The following OTOGL variants were observed in gnomAD, a reference collection of about 807,000 sequenced individuals.
The protein encoded by OTOGL is otogelin like, also known as otogelin-like protein.
In OTOGL, 285 loss-of-function variants were observed where a neutral mutation model predicts 318.5. The ratio of observed to expected loss-of-function variants is 0.89; its 90% CI spans 0.81 to 0.99. The LOEUF is 0.99. OTOGL is among the 50% of genes least tolerant of loss of function. The probability of loss-of-function intolerance (pLI) is 0.00; values close to 1 mark genes in which losing one functional copy is unlikely to be tolerated. For missense variants in OTOGL, 2,899 were observed against 2,845.6 expected (o/e 1.02, Z -0.43); for synonymous variants, 987 against 936.5 (o/e 1.05, Z -0.99).
intron 1 of OTOGL, among the ~76,000 whole-genome samples, chr12:80,113,836 CTCT>C (rs1869993667): frequency 6.6e-6 from 1 of 152,148 alleles, no homozygotes; most frequent in Non-Finnish European, 1.5e-5. Context: ...GGATAGTTAG[CTCT>C]TCTTGTTGCA....
intron 9 of OTOGL, 65 bp from the exon 10 acceptor site, chr12:80,238,786 G>C: frequency 7.4e-7 from 1 of 1,356,266 alleles, no homozygotes; most frequent in Non-Finnish European, 9.5e-7. Context: ...AACCATGTCT[G>C]TTTGTGGAAA....
At chr12:80,233,731 A>G (rs1451763324) in intron 9 of OTOGL, among the ~76,000 whole-genome samples, 5 of 152,226 alleles carry the variant, frequency 3.3e-5, no homozygotes, top group Non-Finnish European at 7.3e-5. Flanking sequence ...ATCACAAACC[A>G]TAATCATGAC....
intron 21 of OTOGL, among the ~76,000 whole-genome samples, 165 bp from the exon 22 acceptor site, chr12:80,267,088 A>G (rs1315067778): frequency 6.6e-6 from 1 of 152,178 alleles, no homozygotes; most frequent in African/African-American, 2.4e-5. Context: ...TTCATGTCTA[A>G]GCAGCTTTTG....
chr12:80,370,601 C>G lies in OTOGL; in HGVS notation c.6647C>G (p.Thr2216Arg). ...VGSTWHYNCT[T>R]YECVKTDEGA... The stretch of plus-strand genomic sequence containing the variant: ...AGTACCTGGCACTACAATTGCACCA[C>G]ATATGAATGTGTTAAAACTGATGAA... The change falls in exon 56 of 59, where the codon ACA becomes AGA. Residue 2216 changes from threonine to arginine, a missense_variant. By Grantham distance (71) the Thr-to-Arg change is moderately conservative (BLOSUM62 -1). This residue lies in a region of OTOGL where 289 missense variants were observed against 304.6 expected (regional missense o/e 0.95). Transcript: ENST00000547103. The G allele has an allele frequency of 6.3e-7, 1 of 1,576,732 alleles. No individual in the cohort carries two copies. The highest frequency in any genetic ancestry group is 8.6e-7 in the Non-Finnish European group (1 of 1,160,620).
intron 1 of OTOGL, among the ~76,000 whole-genome samples, chr12:80,156,416 T>C (rs1343607998): frequency 1.3e-5 from 2 of 152,192 alleles, no homozygotes; most frequent in African/African-American, 4.8e-5. Flanking sequence ...CCCGTTTATA[T>C]ATACATCTAT....
chr12:80,340,366 C>T (rs748778572), intron 43 of OTOGL, among the ~76,000 whole-genome samples: 4 of 151,982 alleles, frequency 2.6e-5, no homozygotes, highest in Non-Finnish European at 5.9e-5. Context: ...TCTATGGTGA[C>T]TTAAGGTTAT....
chr12:80,343,530 T>TAACTTTC (rs1888962463), intron 44 of OTOGL: 1 of 135,782 alleles, frequency 7.4e-6, no homozygotes, highest in Non-Finnish European at 1.6e-5. Context: ...TTTTTTTTTT[T>TAACTTTC]TTTTTTAACT....
chr12:80,295,701 T>C (rs1885345259), intron 26 of OTOGL, among the ~76,000 whole-genome samples: 1 of 152,152 alleles, frequency 6.6e-6, no homozygotes. Context: ...TGGGGGAGAT[T>C]AGGACCACTT....
chr12:80,265,213 G>A lies in OTOGL; in HGVS notation c.2224+3G>A, dbSNP rs754298749. 3 of 1,609,984 alleles carry A rather than the reference G, an allele frequency of 1.9e-6. No individual in the cohort carries two copies. Among genetic ancestry groups the A allele is most frequent in the Non-Finnish European group, 2.5e-6 (3 of 1,176,978 alleles). ...CAGAACTCAGATTTCTTTCTGTGGT[G>A]AGTACAATGGCACAGATAAAGACTA... On this transcript the variant is annotated splice_donor_region_variant and intron_variant, in intron 20 of 58. Transcript: ENST00000547103.
In OTOGL at chr12:80,262,928, A is replaced by G. The variant is rs144937406; in HGVS notation, c.2014+835A>G. On this transcript the variant is annotated intron_variant, in intron 19 of 58. Transcript: ENST00000547103. ...TAGTTTTTAAAAATACATTACTCAT[A>G]TTGGTTGAGCTTTCATAAGAAGCCA... Among the ~76,000 whole-genome samples, 469 of 152,206 alleles carry G rather than the reference A, an allele frequency of 3.1e-3. 1 individual carries two copies. Among genetic ancestry groups the G allele is most frequent in the Non-Finnish European group, 4.7e-3 (319 of 68,006 alleles).
In OTOGL at chr12:80,336,801, G is replaced by A; in HGVS notation, c.4748G>A (p.Gly1583Glu). The change falls in exon 41 of 59, where the codon GGA becomes GAA. Residue 1583 changes from glycine to glutamate, a missense_variant. This residue lies in a region of OTOGL where 2,607 missense variants were observed against 2,524.9 expected (regional missense o/e 1.03). Coordinates refer to ENST00000547103, the MANE Select transcript of OTOGL (RefSeq NM_001378609.3). ...HIEKCSMNQN[G>E]NSLKKLAPSG... ...TATTTCTTTTTTTTTTTCCAGAATG[G>A]AAACTCCTTAAAAAAGCTAGTGAGT... 6.6e-7 allele frequency: 1 copy of A among 1,521,342 alleles called. No individual in the cohort carries two copies. Among genetic ancestry groups the A allele is most frequent in the Non-Finnish European group, 8.9e-7 (1 of 1,124,904 alleles). The allele number at this position is 1,521,342 out of a possible 1,614,324, so 94.2% of individuals were successfully genotyped here. A position where few individuals can be genotyped will look rare whatever the true frequency, so the allele number is the denominator to read the frequency against.
intron 11 of OTOGL, among the ~76,000 whole-genome samples, chr12:80,242,469 A>G (rs1423235110): frequency 6.6e-6 from 1 of 152,118 alleles, no homozygotes; most frequent in Non-Finnish European, 1.5e-5. Context: ...CACTCCCCTC[A>G]ATATTTCATT....
Position 80,336,517 on chromosome 12 carries a change from A to G in OTOGL, c.4705A>G (p.Ile1569Val). The G allele has an allele frequency of 6.2e-7, 1 of 1,610,070 alleles. No homozygotes were observed. The highest frequency in any genetic ancestry group is 8.5e-7 in the Non-Finnish European group (1 of 1,177,386). Residue 1569 changes from isoleucine to valine, a missense_variant, in exon 40 of 59, where the codon ATT becomes GTT. Ile to Val is a conservative substitution (Grantham distance 29). This residue lies in a region of OTOGL where 2,607 missense variants were observed against 2,524.9 expected (regional missense o/e 1.03). Coordinates refer to ENST00000547103, the MANE Select transcript of OTOGL (RefSeq NM_001378609.3). ...TATCTTAGTAAGAATTCCTGGTGAAATTATAGTTGCTCATATCGAAAAATG... is the reference window on the plus strand; with the variant it reads ...TATCTTAGTAAGAATTCCTGGTGAAGTTATAGTTGCTCATATCGAAAAATG... ...SYILVRIPGEIIVAHIEKCSM... is the reference protein window; with the variant it reads ...SYILVRIPGEVIVAHIEKCSM...
At chr12:80,248,335 C>T (rs1295388821) in intron 11 of OTOGL, among the ~76,000 whole-genome samples, 1 of 145,898 alleles carries the variant, frequency 6.9e-6, no homozygotes, top group South Asian at 2.2e-4. Context: ...GTGCTTCCTT[C>T]AGGAGCTCTT....
intron 1 of OTOGL, among the ~76,000 whole-genome samples, chr12:80,108,104 T>C (rs1046459661): frequency 2.6e-5 from 4 of 152,108 alleles, no homozygotes; most frequent in African/African-American, 9.7e-5. Context: ...AAATAAAAGT[T>C]AAAAAGAAAT....
chr12:80,188,030 C>T (rs772199757), intron 1 of OTOGL, among the ~76,000 whole-genome samples: 33 of 152,240 alleles, frequency 2.2e-4, no homozygotes, highest in Non-Finnish European at 2.2e-4. Flanking sequence ...GGAGTTGACA[C>T]AGGATGCAGC....
chr12:80,320,075 T>C (rs145032267), intron 33 of OTOGL, among the ~76,000 whole-genome samples: 1 of 152,208 alleles, frequency 6.6e-6, no homozygotes, highest in Non-Finnish European at 1.5e-5. Context: ...CGCAAATATA[T>C]GTCCAATTAA....
intron 28 of OTOGL, among the ~76,000 whole-genome samples, chr12:80,303,647 C>A (rs893122792): frequency 2.0e-5 from 3 of 152,168 alleles, no homozygotes; most frequent in Non-Finnish European, 4.4e-5. Flanking sequence ...AATGTACAAT[C>A]ATTGTGGAAG....
Position 80,368,207 on chromosome 12 carries a change from C to A in OTOGL, c.6513C>A (p.His2171Gln). 1 of 1,587,006 alleles carries A rather than the reference C, an allele frequency of 6.3e-7. No individual in the cohort carries two copies. Among genetic ancestry groups the A allele is most frequent in the Non-Finnish European group, 8.6e-7 (1 of 1,161,598 alleles). ...LVNCSKKCDV[H>Q]QVYTPSPSDY... ...TAATCTAATATCATTATATGCAGCA[C>A]CAGGTATATACTCCATCCCCAAGTG... Residue 2171 changes from histidine to glutamine, a missense_variant and splice_region_variant, in exon 55 of 59, where the codon CAC becomes CAA. By Grantham distance (24) the His-to-Gln change is conservative (BLOSUM62 0). Coordinates refer to ENST00000547103, the MANE Select transcript of OTOGL (RefSeq NM_001378609.3).
Sources: gnomAD v4.1 joint callset for allele counts (sites outside exome capture counted in the v4.1 genomes callset) on GRCh38, gnomAD v4.1.1 for gene constraint, gnomAD v4.1.1 regional missense constraint, MANE v1.5 for transcripts, NCBI Gene and HGNC (gene_info 2026-07-23, HGNC 2026-07-21) for gene names.